NDRG2: variants seen among roughly 807,000 people sequenced by gnomAD.
NDRG2 encodes NDRG family member 2, also known as protein NDRG2.
In NDRG2, 34 loss-of-function variants were observed where a neutral mutation model predicts 58.2. The ratio of observed to expected loss-of-function variants is 0.58; its 90% CI spans 0.44 to 0.78. The LOEUF is 0.78. Among genes scored for constraint, NDRG2 ranks in the 30% least tolerant of loss-of-function variants. The pLI is 0.00. For synonymous variants in NDRG2, 187 were observed against 175.9 expected (o/e 1.06, Z -0.50); for missense variants, 434 against 471.2 (o/e 0.92, Z 0.73).
In NDRG2 at chr14:21,018,027, C is replaced by A; in HGVS notation, c.909G>T (p.Leu303=). The A allele has an allele frequency of 6.2e-7, 1 of 1,614,176 alleles. No homozygotes were observed. The highest frequency in any genetic ancestry group is 1.1e-5 in the South Asian group (1 of 91,086). Reference sequence around the variant, plus strand: ...GCAGGAAGTACTTGAAGGCCTCGGTCAGCTTGCCTGGCTGCGGAAGTAAGA... The same window carrying A: ...GCAGGAAGTACTTGAAGGCCTCGGTAAGCTTGCCTGGCTGCGGAAGTAAGA... ...GQPQLTQPGK[L]TEAFKYFLQG... is the part of the protein sequence containing the mutation. The change falls in exon 15 of 16, where the codon CTG becomes CTT. Residue 303 remains leucine (L), a synonymous_variant. Coordinates refer to ENST00000556147, the MANE Select transcript of NDRG2 (RefSeq NM_001320329.2).
At chr14:21,062,354 C>G (rs1886006395) in intron 1 of NDRG2, among the ~76,000 whole-genome samples, 1 of 152,186 alleles carries the variant, frequency 6.6e-6, no homozygotes, top group Non-Finnish European at 1.5e-5. Context: ...GGCTCAGGCT[C>G]AAGGGCATGC....
chr14:21,019,907 T>C lies in NDRG2; in HGVS notation c.612+13A>G. The C allele has an allele frequency of 6.2e-7, 1 of 1,613,834 alleles. No individual in the cohort carries two copies. Among genetic ancestry groups the C allele is most frequent in the Non-Finnish European group, 8.5e-7 (1 of 1,179,744 alleles). ...CTCCCGTCGACTCTTCTACATCTCC[T>C]ACACCCACTTACCTGGCTGAAAAGA... On this transcript the variant is annotated intron_variant, in intron 9 of 15. Coordinates refer to ENST00000556147, the MANE Select transcript of NDRG2 (RefSeq NM_001320329.2).
At chr14:21,032,180 T>G in intron 1 of NDRG2, 7 of 1,228,214 alleles carry the variant, frequency 5.7e-6, no homozygotes, top group Non-Finnish European at 8.3e-6. Context: ...CCAAAATCTC[T>G]GTCTGTGAGG....
At chr14:21,059,433 T>C (rs1406297096) in intron 1 of NDRG2, among the ~76,000 whole-genome samples, 1 of 152,172 alleles carries the variant, frequency 6.6e-6, no homozygotes, top group Non-Finnish European at 1.5e-5. Flanking sequence ...CTAGATTCAA[T>C]TTATATAAAA....
chr14:21,032,059 C>T (rs76101114), intron 1 of NDRG2: 14 of 1,613,692 alleles, frequency 8.7e-6, no homozygotes, highest in Middle Eastern at 1.7e-4. Context: ...CTGGCACCTA[C>T]GATAAGAAGA....
intron 6 of NDRG2, chr14:21,021,129 A>C: frequency 3.4e-6 from 2 of 584,250 alleles, no homozygotes; most frequent in Non-Finnish European, 6.5e-6. Context: ...GTTTTCCCAT[A>C]TAGATAGCTC....
Position 21,048,644 on chromosome 14 carries a change from T to C in NDRG2, c.24+22184A>G, listed in dbSNP as rs149804420. On this transcript the variant is annotated intron_variant, in intron 1 of 14. Transcript: ENST00000403829. The stretch of plus-strand genomic sequence containing the variant: ...CCACTTCACAAGAGTATAATGTGGA[T>C]TAAAAGTAACAATACATATAAAGCA... 1.6e-4 allele frequency: 24 copies of C among 152,352 alleles called. No individual in the cohort carries two copies. The East Asian group carries it at 3.7e-3, about 23-fold the overall frequency. 9.4% of individuals were successfully genotyped at this position (152,352 alleles called of 1,614,324 possible). A position where few individuals can be genotyped will look rare whatever the true frequency, so the allele number is the denominator to read the frequency against.
chr14:21,030,924 A>G (rs768384468), intron 1 of NDRG2: 5 of 1,537,564 alleles, frequency 3.3e-6, no homozygotes, highest in Non-Finnish European at 4.4e-6. Context: ...AGGACAAAAG[A>G]GGCCAAATCT....
upstream of NDRG2, chr14:21,025,341 C>G: frequency 1.0e-6 from 1 of 985,012 alleles, no homozygotes; most frequent in Non-Finnish European, 1.2e-6. This position sits in a 1 kb window ranked among gnomAD's most constrained non-coding sequence, Gnocchi z 5.1. Flanking sequence ...GCGGGGATCC[C>G]TCAGCCCTGA....
upstream of NDRG2, chr14:21,025,380 G>T: frequency 2.0e-6 from 2 of 985,528 alleles, no homozygotes; most frequent in Non-Finnish European, 2.4e-6. This position sits in a 1 kb window ranked among gnomAD's most constrained non-coding sequence, Gnocchi z 5.1. Context: ...CCTCAGCACC[G>T]CCCCATCCAC....
chr14:21,022,306 C>A, intron 4 of NDRG2, 86 bp downstream of exon 4: 2 of 1,568,620 alleles, frequency 1.3e-6, no homozygotes, highest in East Asian at 2.2e-5. Context: ...CCCACACTGA[C>A]CCCTCCCCTC....
At position 21,017,780 on chromosome 14, in the gene NDRG2, T is replaced by C. The variant is rs1380548498; in HGVS notation, c.950-18A>G. 5 of 1,602,396 alleles carry C rather than the reference T, an allele frequency of 3.1e-6. No individual in the cohort carries two copies. Among genetic ancestry groups the C allele is most frequent in the East Asian group, 4.5e-5 (2 of 44,426 alleles). Reference sequence around the variant, plus strand: ...TGAGGCCACTGTGGAGACAGCACGATGCACAAGCAGTCAGAGAGGAAGTGG... The same window carrying C: ...TGAGGCCACTGTGGAGACAGCACGACGCACAAGCAGTCAGAGAGGAAGTGG... On this transcript the variant is annotated intron_variant, in intron 15 of 15. Transcript: ENST00000556147.
intron 1 of NDRG2, chr14:21,042,945 T>C (rs1364014359): frequency 7.8e-6 from 12 of 1,539,096 alleles, no homozygotes; most frequent in Non-Finnish European, 1.1e-5. Context: ...TGAACACCTC[T>C]GTCCCAGCGA....
In NDRG2 at chr14:21,070,457, G is replaced by GC; in HGVS notation, c.24+370dup. On this transcript the variant is annotated intron_variant, in intron 1 of 14. Coordinates refer to the NDRG2 transcript ENST00000403829. This position sits in a 1 kb window ranked among gnomAD's most constrained non-coding sequence, Gnocchi z 4.7. ...TCGGCCTTCGCGCAGCCCGCTCCGG[G>GC]CCCCCAAGTCCTCAGCCTGGTGCCT... 7.4e-7 allele frequency: 1 copy of GC among 1,354,820 alleles called. No individual in the cohort carries two copies. The highest frequency in any genetic ancestry group is 9.4e-7 in the Non-Finnish European group (1 of 1,059,800). 83.9% of individuals were successfully genotyped at this position (1,354,820 alleles called of 1,614,324 possible).
intron 8 of NDRG2, 192 bp from the exon 9 acceptor site, chr14:21,020,168 C>T: frequency 1.7e-6 from 1 of 576,794 alleles, no homozygotes; most frequent in Non-Finnish European, 3.1e-6. Flanking sequence ...GTGGCGGGTG[C>T]CTGTAATCCC....
intron 1 of NDRG2, among the ~76,000 whole-genome samples, chr14:21,035,174 C>T (rs375817834): frequency 2.0e-5 from 3 of 152,348 alleles, no homozygotes; most frequent in East Asian, 3.9e-4. Context: ...GGACTCCCCA[C>T]GGTCCCTATC....
chr14:21,058,860 T>C (rs1366840767), intron 1 of NDRG2, among the ~76,000 whole-genome samples: 1 of 152,054 alleles, frequency 6.6e-6, no homozygotes, highest in Non-Finnish European at 1.5e-5. Flanking sequence ...GCTGATGGAG[T>C]GTGTGTTACT....
chr14:21,043,423 A>G (rs1477261406), intron 1 of NDRG2: 2 of 1,609,560 alleles, frequency 1.2e-6, no homozygotes, highest in East Asian at 2.2e-5. Context: ...GACTCTCAGC[A>G]ATTCCACCTG....
At chr14:21,054,655 C>A (rs1241548907) in intron 1 of NDRG2, among the ~76,000 whole-genome samples, 1 of 152,178 alleles carries the variant, frequency 6.6e-6, no homozygotes, top group East Asian at 1.9e-4. Flanking sequence ...ATAACATGAA[C>A]TTTGGAGCCA....
Sources: allele counts gnomAD v4.1 joint callset (sites outside exome capture counted in the v4.1 genomes callset), GRCh38; gene constraint gnomAD v4.1.1; non-coding constraint Gnocchi (gnomAD v3.1); transcripts MANE v1.5; gene names NCBI Gene and HGNC (gene_info 2026-07-23, HGNC 2026-07-21).